Variants in RIMS4 observed in about 807,000 individuals in gnomAD.
RIMS4 encodes the protein regulating synaptic membrane exocytosis protein 4.
In RIMS4, 9 loss-of-function variants were observed where a neutral mutation model predicts 29.0. That is an observed-to-expected ratio of 0.31 (90% CI 0.19 to 0.54). The LOEUF (loss-of-function observed/expected upper bound fraction) is 0.54, where lower values mean the gene tolerates loss of function less well. RIMS4 is among the 20% of genes least tolerant of loss of function. The probability of loss-of-function intolerance (pLI) is 0.94; values close to 1 mark genes in which losing one functional copy is unlikely to be tolerated. For synonymous variants in RIMS4, 130 were observed against 152.9 expected (o/e 0.85, Z 1.10); for missense variants, 193 against 365.7 (o/e 0.53, Z 3.85).
At chr20:44,797,665 C>T (rs567732253) in intron 1 of RIMS4, among the ~76,000 whole-genome samples, 3 of 152,296 alleles carry the variant, frequency 2.0e-5, no homozygotes, top group Admixed American at 1.3e-4. Flanking sequence ...TCTGGGAAAA[C>T]CTAAACTAGG....
At chr20:44,804,267 C>G (rs1488114493) in intron 1 of RIMS4, among the ~76,000 whole-genome samples, 2 of 152,172 alleles carry the variant, frequency 1.3e-5, no homozygotes, top group Admixed American at 1.3e-4. Flanking sequence ...TTTTATAATC[C>G]TGAGAGATGC....
intron 2 of RIMS4, among the ~76,000 whole-genome samples, chr20:44,759,184 A>C (rs2066073484): frequency 6.6e-6 from 1 of 151,736 alleles, no homozygotes; most frequent in Non-Finnish European, 1.5e-5. Flanking sequence ...GCACCAAAGC[A>C]CTTGCAACCC....
intron 2 of RIMS4, among the ~76,000 whole-genome samples, chr20:44,765,263 G>A (rs898895181): frequency 2.6e-5 from 4 of 152,096 alleles, no homozygotes; most frequent in African/African-American, 9.7e-5. Flanking sequence ...GCCTTGCCCA[G>A]AGCAAAGCAC....
At chr20:44,767,244 C>T (rs2043993450) in intron 2 of RIMS4, among the ~76,000 whole-genome samples, 1 of 152,192 alleles carries the variant, frequency 6.6e-6, no homozygotes, top group Admixed American at 6.5e-5. Context: ...AGGATTAGGG[C>T]AGGTGGGGAG....
chr20:44,781,802 C>T (rs1049053565), intron 1 of RIMS4, among the ~76,000 whole-genome samples: 1 of 152,190 alleles, frequency 6.6e-6, no homozygotes, highest in African/African-American at 2.4e-5. Flanking sequence ...GCTAAACAAG[C>T]CTTGGAAGGA....
intron 1 of RIMS4, among the ~76,000 whole-genome samples, chr20:44,785,752 T>C (rs1316054957): frequency 1.4e-5 from 2 of 141,394 alleles, no homozygotes; most frequent in African/African-American, 5.6e-5. Context: ...TAGGTTTTCT[T>C]TTTTTTTTTT....
At position 44,810,184 on chromosome 20, in the gene RIMS4, C is replaced by T. The variant is rs1278405229; in HGVS notation, c.88G>A (p.Glu30Lys). The T allele has an allele frequency of 1.9e-6, 3 of 1,587,238 alleles. No individual in the cohort carries two copies. The highest frequency in any genetic ancestry group is 2.2e-5 in the South Asian group (2 of 88,890). Residue 30 changes from glutamate to lysine, a missense_variant, in exon 1 of 6, where the codon GAG (glutamate) becomes AAG (lysine). Physicochemically the swap from Glu to Lys is moderately conservative, Grantham distance 56. Coordinates refer to ENST00000372851, the MANE Select transcript of RIMS4 (RefSeq NM_182970.4). ...YFPCMNSFDDEDAGDSRRLKG... is the reference protein window; with the variant it reads ...YFPCMNSFDDKDAGDSRRLKG... ...CGGGCCGCGCGCTTACCTGCGTCCT[C>T]GTCGTCGAAGGAGTTCATGCACGGG...
At chr20:44,772,061 G>T (rs1054811250) in intron 1 of RIMS4, among the ~76,000 whole-genome samples, 2 of 152,190 alleles carry the variant, frequency 1.3e-5, no homozygotes, top group Non-Finnish European at 2.9e-5. Flanking sequence ...GTGGCTGGGA[G>T]ACTTAAGGCA....
At chr20:44,784,824 A>G (rs966497654) in intron 1 of RIMS4, among the ~76,000 whole-genome samples, 29 of 152,386 alleles carry the variant, frequency 1.9e-4, no homozygotes, top group African/African-American at 7.0e-4. Context: ...AAATGAGGGC[A>G]GGGACACTGG....
chr20:44,787,394 A>G (rs1014583479), intron 1 of RIMS4, among the ~76,000 whole-genome samples: 3 of 152,194 alleles, frequency 2.0e-5, no homozygotes, highest in African/African-American at 7.2e-5. Context: ...TACTCAATTA[A>G]CATGGATTTG....
At chr20:44,807,555 G>C (rs2066303996) in intron 1 of RIMS4, among the ~76,000 whole-genome samples, 1 of 152,184 alleles carries the variant, frequency 6.6e-6, no homozygotes, top group Non-Finnish European at 1.5e-5. Flanking sequence ...AGCAGAGACA[G>C]ACAGGTATTA....
In RIMS4 at chr20:44,757,648, C is replaced by T. The variant is rs374644630; in HGVS notation, c.451+22G>A. On this transcript the variant is annotated intron_variant, in intron 4 of 5. Coordinates refer to ENST00000372851, the MANE Select transcript of RIMS4 (RefSeq NM_182970.4). The stretch of plus-strand genomic sequence containing the variant: ...CTCCCTGACCTCCACCCCCACCTTG[C>T]AGGGGAAGGTAGGCCCCAGACCTGG... The T allele has an allele frequency of 5.7e-6, 9 of 1,591,088 alleles. No homozygotes were observed. The East Asian group carries it at 6.7e-5, about 12-fold the overall frequency.
In RIMS4 at chr20:44,754,620, G is replaced by C. The variant is rs967381098; in HGVS notation, c.*1514C>G. 3 of 152,928 alleles carry C rather than the reference G, an allele frequency of 2.0e-5. No individual in the cohort carries two copies. The highest frequency in any genetic ancestry group is 7.2e-5 in the African/African-American group (3 of 41,462). The allele number at this position is 152,928 out of a possible 1,614,324, so 9.5% of individuals were successfully genotyped here. A position where few individuals can be genotyped will look rare whatever the true frequency, so the allele number is the denominator to read the frequency against. On this transcript the variant is annotated 3_prime_UTR_variant, in exon 6 of 6. Coordinates refer to ENST00000372851, the MANE Select transcript of RIMS4 (RefSeq NM_182970.4). ...CCTACGGGGACAAGGGAAGGAAGGG[G>C]GCGGAGGAGGAGGGGCTGGCCTCCT...
At chr20:44,790,650 A>AT (rs2066228966) in intron 1 of RIMS4, among the ~76,000 whole-genome samples, 1 of 152,242 alleles carries the variant, frequency 6.6e-6, no homozygotes, top group Admixed American at 6.5e-5. Flanking sequence ...CTCACTAAAC[A>AT]TCTGCAGAGA....
intron 1 of RIMS4, among the ~76,000 whole-genome samples, chr20:44,774,563 G>A (rs1440140789): frequency 6.6e-6 from 1 of 152,210 alleles, no homozygotes; most frequent in Non-Finnish European, 1.5e-5. Context: ...TTGGGACTCA[G>A]ACTGGCTTCC....
In RIMS4 at chr20:44,754,634, G is replaced by C. The variant is rs2066050299; in HGVS notation, c.*1500C>G. ...GGAAGGAAGGGGGCGGAGGAGGAGG[G>C]GCTGGCCTCCTGTGAGCCAGGCTGC... On this transcript the variant is annotated 3_prime_UTR_variant, in exon 6 of 6. Transcript: ENST00000372851. 1 of 152,816 alleles carries C rather than the reference G, an allele frequency of 6.5e-6. No homozygotes were observed. Among genetic ancestry groups the C allele is most frequent in the African/African-American group, 2.4e-5 (1 of 41,422 alleles). The allele number at this position is 152,816 out of a possible 1,614,324, so 9.5% of individuals were successfully genotyped here. A position where few individuals can be genotyped will look rare whatever the true frequency, so the allele number is the denominator to read the frequency against.
intron 1 of RIMS4, among the ~76,000 whole-genome samples, chr20:44,793,611 C>A (rs952467461): frequency 6.6e-6 from 1 of 152,172 alleles, no homozygotes; most frequent in Non-Finnish European, 1.5e-5. Context: ...GACTCAGGGC[C>A]ATTTGGGCAG....
chr20:44,759,256 TG>T (rs995042360), intron 2 of RIMS4, among the ~76,000 whole-genome samples: 1 of 151,966 alleles, frequency 6.6e-6, no homozygotes, highest in Non-Finnish European at 1.5e-5. Flanking sequence ...TTCTGGTTTT[TG>T]TTTTTTTTTT....
chr20:44,792,295 A>AT (rs1251411491), intron 1 of RIMS4, among the ~76,000 whole-genome samples: 1,791 of 144,386 alleles, frequency 0.012, 32 homozygotes, highest in African/African-American at 0.033. Context: ...TATTATTATA[A>AT]TTTTTTTTTT....
Sources: gnomAD v4.1 joint callset for allele counts (sites outside exome capture counted in the v4.1 genomes callset) on GRCh38, gnomAD v4.1.1 for gene constraint, MANE v1.5 for transcripts, NCBI Gene and HGNC (gene_info 2026-07-23, HGNC 2026-07-21) for gene names.